Variants in ACACA observed in about 807,000 individuals in gnomAD.
ACACA encodes the protein acetyl-CoA carboxylase alpha.
In ACACA, 103 loss-of-function variants were observed where a neutral mutation model predicts 296.1. That is an observed-to-expected ratio of 0.35 (90% CI 0.30 to 0.41). ACACA has a LOEUF of 0.41. Among genes scored for constraint, ACACA ranks in the 10% least tolerant of loss-of-function variants. The pLI is 1.00. For missense variants in ACACA, 1,554 were observed against 2,989.7 expected, an observed-to-expected ratio of 0.52 and a Z score of 11.20; for synonymous variants, 953 against 1,038.6, an observed-to-expected ratio of 0.92 and a Z score of 1.58.
chr17:37,270,746 TC>T lies in ACACA; in HGVS notation c.1119+4del. ...TCAAACAAACAAAAACAGCTTATAC[TC>T]TACCTGTCTGAAGAGATTAGGGAAG... On this transcript the variant is annotated splice_donor_region_variant and intron_variant, in intron 10 of 55. Transcript: ENST00000616317. 6.2e-7 allele frequency: 1 copy of T among 1,604,398 alleles called. No homozygotes were observed. The highest frequency in any genetic ancestry group is 1.3e-5 in the African/African-American group (1 of 74,844).
At chr17:37,265,211 T>C (rs763829731) in intron 10 of ACACA, among the ~76,000 whole-genome samples, 13 of 152,036 alleles carry the variant, frequency 8.6e-5, no homozygotes, top group Non-Finnish European at 1.6e-4. Flanking sequence ...GTAGGGAAAA[T>C]AGATGCCACC....
At chr17:37,313,644 A>C (rs1432609527) in intron 3 of ACACA, among the ~76,000 whole-genome samples, 6 of 152,238 alleles carry the variant, frequency 3.9e-5, no homozygotes, top group Non-Finnish European at 8.8e-5. Flanking sequence ...ACTCCAGTTA[A>C]AATGGCTTTT....
rs572894261 is a variant in ACACA at position 37,280,907 on chromosome 17, G to A, written c.610+2360C>T. 1.8e-3 allele frequency among the ~76,000 whole-genome samples: 267 copies of A among 152,214 alleles called. 1 individual carries two copies. Among genetic ancestry groups the A allele is most frequent in the African/African-American group, 6.0e-3 (249 of 41,534 alleles). On this transcript the variant is annotated intron_variant, in intron 5 of 55. Transcript: ENST00000616317. ...ACTATATCACATCTTGTAGCCATCC[G>A]TAATTTCTAGAAAACCACTTGTGTC... is the stretch of plus-strand genomic sequence containing the variant.
chr17:37,316,334 C>CACACACAG (rs1458823039), intron 3 of ACACA, among the ~76,000 whole-genome samples: 1 of 145,710 alleles, frequency 6.9e-6, no homozygotes, highest in African/African-American at 2.8e-5. Flanking sequence ...CACACACACA[C>CACACACAG]CCCTAACTTT....
chr17:37,294,077 A>G (rs2083211332), intron 3 of ACACA, among the ~76,000 whole-genome samples: 1 of 151,746 alleles, frequency 6.6e-6, no homozygotes. Context: ...TTTTTTGCCA[A>G]TAACTCAGAA....
Position 37,274,224 on chromosome 17 carries a change from C to G in ACACA, c.977G>C (p.Gly326Ala). ...LNVPQELYEKGYVKDVDDGLQ... is the reference protein window; with the variant it reads ...LNVPQELYEKAYVKDVDDGLQ... ...CCCATCATCCACATCTTTCACATAA[C>G]CTTTTTCATATAGCTCCTGGGGAAC... Residue 326 changes from glycine to alanine, a missense_variant, in exon 9 of 56, where the codon GGT becomes GCT. Around this residue, in one of 16 missense-constraint regions of ACACA, gnomAD observed 47 missense variants for 55.4 expected, o/e 0.85. Coordinates refer to ENST00000616317, the MANE Select transcript of ACACA (RefSeq NM_198834.3). 6.2e-7 allele frequency: 1 copy of G among 1,614,124 alleles called. No individual in the cohort carries two copies. Among genetic ancestry groups the G allele is most frequent in the Non-Finnish European group, 8.5e-7 (1 of 1,179,982 alleles).
At chr17:37,259,716 C>A (rs187478670) in intron 11 of ACACA, among the ~76,000 whole-genome samples, 186 bp from the exon 12 acceptor site, 37 of 152,040 alleles carry the variant, frequency 2.4e-4, no homozygotes, top group Admixed American at 2.0e-3. Context: ...AATGAAAAAT[C>A]GGGAGAAAAG....
intron 3 of ACACA, among the ~76,000 whole-genome samples, chr17:37,323,857 T>G (rs1216464358): frequency 6.6e-6 from 1 of 152,190 alleles, no homozygotes; most frequent in Non-Finnish European, 1.5e-5. Flanking sequence ...TGACCTCAAG[T>G]GACATCCCAT....
intron 3 of ACACA, among the ~76,000 whole-genome samples, chr17:37,313,950 A>G (rs1023765798): frequency 2.0e-5 from 3 of 152,188 alleles, no homozygotes; most frequent in African/African-American, 4.8e-5. Flanking sequence ...TTTGGAATCA[A>G]CGTAAGGGTC....
intron 31 of ACACA, among the ~76,000 whole-genome samples, chr17:37,207,182 G>C (rs1017551056): frequency 1.3e-5 from 2 of 152,002 alleles, no homozygotes; most frequent in African/African-American, 4.8e-5. Flanking sequence ...TGTCATCATC[G>C]GTCTTAAAGT....
intron 1 of ACACA, among the ~76,000 whole-genome samples, chr17:37,371,886 C>T (rs537903919): frequency 6.6e-6 from 1 of 151,446 alleles, no homozygotes; most frequent in Non-Finnish European, 1.5e-5. Context: ...GGGGACACAG[C>T]GAGACTACGT....
At position 37,096,853 on chromosome 17, in the gene ACACA, G is replaced by A. The variant is rs2073022816; in HGVS notation, c.6891+143C>T. 50 of 974,112 alleles carry A rather than the reference G, an allele frequency of 5.1e-5. No homozygotes were observed. The South Asian group carries it at 6.5e-4, about 13-fold the overall frequency. The allele number at this position is 974,112 out of a possible 1,614,324, so 60.3% of individuals were successfully genotyped here. On this transcript the variant is annotated intron_variant, in intron 54 of 55. Coordinates refer to ENST00000616317, the MANE Select transcript of ACACA (RefSeq NM_198834.3). ...ACATGACATGTTAGGGGGAGTAGCTGGGGGAGGAAACAGCTTGGATCTCTA... is the reference window on the plus strand; with the variant it reads ...ACATGACATGTTAGGGGGAGTAGCTAGGGGAGGAAACAGCTTGGATCTCTA...
At chr17:37,147,015 A>G (rs2075839868) in intron 45 of ACACA, among the ~76,000 whole-genome samples, 1 of 152,018 alleles carries the variant, frequency 6.6e-6, no homozygotes, top group Non-Finnish European at 1.5e-5. Context: ...TTCAATTTTC[A>G]AAGGGGTCAA....
chr17:37,334,602 T>C (rs1255195060), intron 2 of ACACA, among the ~76,000 whole-genome samples: 1 of 152,134 alleles, frequency 6.6e-6, no homozygotes, highest in Admixed American at 6.5e-5. Flanking sequence ...TGTGAACCTC[T>C]AGAGGATCTG....
At chr17:37,184,193 A>C (rs2077438395) in intron 39 of ACACA, among the ~76,000 whole-genome samples, 1 of 152,134 alleles carries the variant, frequency 6.6e-6, no homozygotes, top group African/African-American at 2.4e-5. Context: ...GACTTAGGAA[A>C]TATACATGTA....
At chr17:37,186,594 C>T (rs1567782935) in intron 39 of ACACA, among the ~76,000 whole-genome samples, 1 of 152,190 alleles carries the variant, frequency 6.6e-6, no homozygotes, top group Admixed American at 6.5e-5. Context: ...TTTGTCAGTT[C>T]CCACGTCTAG....
intron 1 of ACACA, among the ~76,000 whole-genome samples, chr17:37,370,105 C>A (rs369532624): frequency 7.4e-4 from 111 of 150,772 alleles, no homozygotes; most frequent in African/African-American, 2.5e-3. Context: ...CTCCTGGGTT[C>A]AAGCGATTCT....
At chr17:37,134,551 T>C (rs1348968579) in intron 45 of ACACA, among the ~76,000 whole-genome samples, 2 of 152,240 alleles carry the variant, frequency 1.3e-5, no homozygotes, top group Non-Finnish European at 1.5e-5. Flanking sequence ...GGCAAATATT[T>C]GCAATCATGT....
At chr17:37,214,316 A>C (rs1287439793) in intron 29 of ACACA, among the ~76,000 whole-genome samples, 2 of 152,192 alleles carry the variant, frequency 1.3e-5, no homozygotes, top group Non-Finnish European at 2.9e-5. Context: ...TGCAGTTCAG[A>C]TGCCCTGAGT....
Sources: allele counts gnomAD v4.1 joint callset (sites outside exome capture counted in the v4.1 genomes callset), GRCh38; gene constraint gnomAD v4.1.1; regional missense constraint gnomAD v4.1.1; transcripts MANE v1.5; gene names NCBI Gene and HGNC (gene_info 2026-07-23, HGNC 2026-07-21).